The following KCNB2 variants were observed in gnomAD, a reference collection of about 807,000 sequenced individuals.
KCNB2 encodes the protein delayed rectifier potassium channel protein.
KCNB2 carries 15 observed loss-of-function variants against 61.5 expected under a neutral mutation model. That is an observed-to-expected ratio of 0.24 (90% confidence interval 0.16 to 0.38). KCNB2 has a LOEUF of 0.38. Ranked by LOEUF, KCNB2 falls within the 10% of genes least tolerant of loss-of-function variation. The probability of loss-of-function intolerance (pLI) is 1.00; values close to 1 mark genes in which losing one functional copy is unlikely to be tolerated. For synonymous variants in KCNB2, 457 were observed against 446.0 expected (o/e 1.02, Z -0.31); for missense variants, 828 against 1,125.2 (o/e 0.74, Z 3.78).
chr8:72,575,362 T>C (rs552537642), intron 2 of KCNB2, among the ~76,000 whole-genome samples: 3 of 152,040 alleles, frequency 2.0e-5, no homozygotes, highest in African/African-American at 7.2e-5. Context: ...TGTGATATGG[T>C]ATAGAAACAG....
chr8:72,657,630 C>T (rs1563550886), intron 2 of KCNB2, among the ~76,000 whole-genome samples: 1 of 152,088 alleles, frequency 6.6e-6, no homozygotes, highest in Non-Finnish European at 1.5e-5. Context: ...TATCCAGTTT[C>T]CACTGAGCAA....
chr8:72,806,098 G>A (rs762985644), intron 2 of KCNB2, among the ~76,000 whole-genome samples: 2 of 152,114 alleles, frequency 1.3e-5, no homozygotes, highest in African/African-American at 2.4e-5. Context: ...GGTGGCTCAC[G>A]CCTGTAATCC....
chr8:72,895,154 C>T (rs973042608), intron 2 of KCNB2, among the ~76,000 whole-genome samples: 11 of 152,106 alleles, frequency 7.2e-5, no homozygotes, highest in Admixed American at 2.6e-4. Flanking sequence ...TGTCCATATC[C>T]TAATTCCCAG....
At chr8:72,924,325 G>A (rs1034231681) in intron 2 of KCNB2, among the ~76,000 whole-genome samples, 7 of 151,050 alleles carry the variant, frequency 4.6e-5, no homozygotes, top group Non-Finnish European at 5.9e-5. Flanking sequence ...ACTGAGATCC[G>A]CTGGTTTAAA....
At chr8:72,841,427 G>A (rs1183742123) in intron 2 of KCNB2, among the ~76,000 whole-genome samples, 1 of 123,712 alleles carries the variant, frequency 8.1e-6, no homozygotes, top group Non-Finnish European at 1.6e-5. Context: ...CTCTGTTTTG[G>A]TTCCACATGA....
At chr8:72,598,326 A>G (rs1807233675) in intron 2 of KCNB2, among the ~76,000 whole-genome samples, 1 of 152,272 alleles carries the variant, frequency 6.6e-6, no homozygotes, top group Non-Finnish European at 1.5e-5. Context: ...AATCCAGCAT[A>G]TAAACAGAAC....
intron 2 of KCNB2, among the ~76,000 whole-genome samples, chr8:72,826,606 C>A (rs1289486944): frequency 6.6e-6 from 1 of 152,022 alleles, no homozygotes; most frequent in African/African-American, 2.4e-5. Flanking sequence ...ATCTAGGTTA[C>A]CAAGGATGGT....
chr8:72,764,941 G>C (rs562247201), intron 2 of KCNB2, among the ~76,000 whole-genome samples: 2 of 152,282 alleles, frequency 1.3e-5, no homozygotes, highest in East Asian at 3.9e-4. Context: ...CCCCCGCCCA[G>C]CACAGAGTAC....
intron 2 of KCNB2, among the ~76,000 whole-genome samples, chr8:72,841,859 A>G (rs890887008): frequency 2.6e-5 from 4 of 152,192 alleles, no homozygotes; most frequent in East Asian, 1.9e-4. Context: ...TCAATATACA[A>G]TCATGTCATC....
chr8:72,765,977 TA>T (rs1224344330), intron 2 of KCNB2, among the ~76,000 whole-genome samples: 1 of 152,240 alleles, frequency 6.6e-6, no homozygotes, highest in Non-Finnish European at 1.5e-5. Flanking sequence ...TAGAGACAGA[TA>T]TTTTTCTCTT....
intron 2 of KCNB2, among the ~76,000 whole-genome samples, chr8:72,712,768 A>G (rs1419716703): frequency 1.3e-5 from 2 of 152,142 alleles, no homozygotes; most frequent in Non-Finnish European, 2.9e-5. Context: ...TGCATTTCCA[A>G]CTGAGGTACT....
chr8:72,758,221 A>T (rs1231399215), intron 2 of KCNB2, among the ~76,000 whole-genome samples: 1 of 152,226 alleles, frequency 6.6e-6, no homozygotes, highest in Admixed American at 6.5e-5. Flanking sequence ...AAGGAAGTTG[A>T]CCAAGGACAA....
At chr8:72,664,188 G>T (rs1453146933) in intron 2 of KCNB2, among the ~76,000 whole-genome samples, 1 of 152,200 alleles carries the variant, frequency 6.6e-6, no homozygotes, top group African/African-American at 2.4e-5. Context: ...CGGATACCCT[G>T]TGTCAGCTCA....
intron 2 of KCNB2, among the ~76,000 whole-genome samples, chr8:72,576,507 G>A (rs1022439880): frequency 1.3e-5 from 2 of 152,180 alleles, no homozygotes; most frequent in East Asian, 3.8e-4. Flanking sequence ...TATTCTAAGA[G>A]GTGGTAGAAG....
intron 2 of KCNB2, among the ~76,000 whole-genome samples, chr8:72,572,140 A>G (rs150221411): frequency 6.6e-6 from 1 of 152,310 alleles, no homozygotes; most frequent in East Asian, 1.9e-4. Flanking sequence ...CACAGGGCCC[A>G]CACTTTGGAT....
chr8:72,900,194 A>G (rs771376732), intron 2 of KCNB2, among the ~76,000 whole-genome samples: 2 of 152,196 alleles, frequency 1.3e-5, no homozygotes, highest in Non-Finnish European at 2.9e-5. Context: ...GTAAAGCTAC[A>G]TACTTACAAA....
chr8:72,684,755 A>G (rs1806823227), intron 2 of KCNB2, among the ~76,000 whole-genome samples: 1 of 152,222 alleles, frequency 6.6e-6, no homozygotes. Flanking sequence ...CTTAGAATTT[A>G]TTAAGAACTG....
At chr8:72,540,207 C>A (rs1341772595) in intron 1 of KCNB2, among the ~76,000 whole-genome samples, 3 of 152,108 alleles carry the variant, frequency 2.0e-5, no homozygotes, top group Non-Finnish European at 2.9e-5. Context: ...TGCCCTAATG[C>A]ATTTTTTTCT....
chr8:72,748,616 T>G (rs1397933332), intron 2 of KCNB2, among the ~76,000 whole-genome samples: 4 of 150,870 alleles, frequency 2.7e-5, no homozygotes, highest in South Asian at 2.1e-4. Flanking sequence ...TTTGTTGTTT[T>G]TTTTTTTTTG....
Sources: allele counts gnomAD v4.1 joint callset (sites outside exome capture counted in the v4.1 genomes callset), GRCh38; gene constraint gnomAD v4.1.1; transcripts MANE v1.5; gene names NCBI Gene and HGNC (gene_info 2026-07-23, HGNC 2026-07-21).